Variants in NDC1 observed in about 807,000 individuals in gnomAD.
The protein encoded by NDC1 is nucleoporin NDC1.
Under a neutral mutation model 89.8 loss-of-function variants are expected in NDC1, and 24 were observed. That is an observed-to-expected ratio of 0.27 (90% confidence interval 0.19 to 0.38). The LOEUF is 0.38. Ranked by LOEUF, NDC1 falls within the 10% of genes least tolerant of loss-of-function variation. NDC1 has a pLI of 1.00. For missense variants in NDC1, 728 were observed against 797.6 expected, an observed-to-expected ratio of 0.91 and a Z score of 1.05; for synonymous variants, 296 against 284.8, an observed-to-expected ratio of 1.04 and a Z score of -0.39.
At position 53,808,165 on chromosome 1, in the gene NDC1, C is replaced by G. The variant is rs137902629; in HGVS notation, c.756-374G>C. 5.2e-4 allele frequency among the ~76,000 whole-genome samples: 79 copies of G among 152,280 alleles called. 1 individual carries two copies. The highest frequency in any genetic ancestry group is 1.8e-3 in the African/African-American group (74 of 41,562). ...AACATGACTAGTACTTCTCCTGGAC[C>G]AGATTTCAGCTTTATCCTTATGCCC... is the stretch of plus-strand genomic sequence containing the variant. On this transcript the variant is annotated intron_variant, in intron 7 of 17. Coordinates refer to ENST00000371429, the MANE Select transcript of NDC1 (RefSeq NM_018087.5).
intron 16 of NDC1, among the ~76,000 whole-genome samples, chr1:53,776,785 ACTTTTCATATAG>A (rs1647166923): frequency 6.6e-6 from 1 of 152,216 alleles, no homozygotes; most frequent in Non-Finnish European, 1.5e-5. Flanking sequence ...GTGTGTCTAG[ACTTTTCATATAG>A]CTTTTCATGA....
intron 5 of NDC1, among the ~76,000 whole-genome samples, chr1:53,821,214 A>G (rs1238246293): frequency 6.6e-6 from 1 of 152,036 alleles, no homozygotes; most frequent in South Asian, 2.1e-4. Flanking sequence ...TGGGCAGATC[A>G]CTTGAGGCCA....
intron 16 of NDC1, among the ~76,000 whole-genome samples, chr1:53,778,564 G>A (rs74084410): frequency 0.012 from 1,810 of 151,368 alleles, 40 homozygotes; most frequent in African/African-American, 0.041. Context: ...ACTAGCTTGG[G>A]CAACAAAGTG....
At chr1:53,789,086 T>C (rs1349997175) in intron 15 of NDC1, 47 bp downstream of exon 15, 8 of 1,222,178 alleles carry the variant, frequency 6.5e-6, no homozygotes, top group Non-Finnish European at 9.6e-6. Flanking sequence ...ACTTCAATAT[T>C]TAACTGACAA....
intron 11 of NDC1, among the ~76,000 whole-genome samples, chr1:53,799,613 G>T (rs1053337309): frequency 6.6e-6 from 1 of 152,040 alleles, no homozygotes; most frequent in Non-Finnish European, 1.5e-5. Context: ...TAGATTTCAG[G>T]CTTCTCTTTT....
At chr1:53,827,519 C>A (rs1323347389) in intron 4 of NDC1, among the ~76,000 whole-genome samples, 1 of 152,188 alleles carries the variant, frequency 6.6e-6, no homozygotes, top group Non-Finnish European at 1.5e-5. Flanking sequence ...AAGAACTATA[C>A]AAGTTTCAAA....
intron 10 of NDC1, among the ~76,000 whole-genome samples, chr1:53,803,573 A>AT (rs34936602): frequency 0.13 from 19,737 of 150,536 alleles, 2,673 homozygotes; most frequent in African/African-American, 0.35. Flanking sequence ...AAGTTAATTA[A>AT]TTTTTTTTTT....
At chr1:53,792,932 C>T (rs942200005) in intron 14 of NDC1, among the ~76,000 whole-genome samples, 11 of 152,356 alleles carry the variant, frequency 7.2e-5, no homozygotes, top group African/African-American at 2.6e-4. Context: ...CAAATGTGTT[C>T]ACTTTGTGAA....
At chr1:53,776,840 A>C (rs1377068760) in intron 16 of NDC1, among the ~76,000 whole-genome samples, 1 of 152,172 alleles carries the variant, frequency 6.6e-6, no homozygotes, top group East Asian at 1.9e-4. Context: ...TTTTATCATT[A>C]TTCTGTTTTC....
chr1:53,777,803 C>T (rs116161882), intron 16 of NDC1, among the ~76,000 whole-genome samples: 1,984 of 152,152 alleles, frequency 0.013, 50 homozygotes, highest in African/African-American at 0.045. Flanking sequence ...GAGCTTTGAC[C>T]TCCCAGGCTC....
chr1:53,818,287 A>C (rs1648545812), intron 6 of NDC1, among the ~76,000 whole-genome samples: 1 of 151,986 alleles, frequency 6.6e-6, no homozygotes, highest in Non-Finnish European at 1.5e-5. Context: ...AAATACAAAA[A>C]ATAGCCGGGT....
rs532080082 is a variant in NDC1, at chr1:53,793,727, G to A, written c.1585-448C>T. 5.3e-5 allele frequency among the ~76,000 whole-genome samples: 8 copies of A among 152,100 alleles called. No homozygotes were observed. The East Asian group carries it at 1.5e-3, about 29-fold the overall frequency. On this transcript the variant is annotated intron_variant, in intron 13 of 17. Coordinates refer to ENST00000371429, the MANE Select transcript of NDC1 (RefSeq NM_018087.5). ...CCACCTCAGCCTCCTGGGTAGCTGG[G>A]AATACAGGCACACCACCATGTCCGG...
At chr1:53,780,281 C>A (rs1304783499) in intron 16 of NDC1, among the ~76,000 whole-genome samples, 4 of 152,122 alleles carry the variant, frequency 2.6e-5, no homozygotes, top group African/African-American at 9.7e-5. Flanking sequence ...ACCATGTTGG[C>A]CAGGCTGGTC....
chr1:53,810,580 C>G (rs1648271120), intron 6 of NDC1, among the ~76,000 whole-genome samples: 1 of 152,124 alleles, frequency 6.6e-6, no homozygotes, highest in Non-Finnish European at 1.5e-5. Context: ...TCTAGAGGAA[C>G]AACCAGGCTG....
intron 14 of NDC1, among the ~76,000 whole-genome samples, chr1:53,792,557 C>G (rs550687320): frequency 7.9e-5 from 12 of 152,108 alleles, no homozygotes. Flanking sequence ...ATGGAGTGAG[C>G]GTGATATTAG....
At chr1:53,804,420 C>T (rs181647811) in intron 9 of NDC1, among the ~76,000 whole-genome samples, 2 of 152,304 alleles carry the variant, frequency 1.3e-5, no homozygotes, top group Non-Finnish European at 1.5e-5. Context: ...CACAAGAAAA[C>T]GGAAAATCTT....
chr1:53,835,284 A>G (rs1295268500), intron 2 of NDC1, among the ~76,000 whole-genome samples: 1 of 152,228 alleles, frequency 6.6e-6, no homozygotes, highest in Middle Eastern at 3.2e-3. Context: ...TTTCGTTCCT[A>G]TGATCACAGT....
At chr1:53,776,374 T>A (rs1002513440) in intron 16 of NDC1, among the ~76,000 whole-genome samples, 53 of 152,192 alleles carry the variant, frequency 3.5e-4, no homozygotes, top group Non-Finnish European at 1.5e-4. Flanking sequence ...GTGGCAGGTC[T>A]GAATTGAGAT....
intron 16 of NDC1, among the ~76,000 whole-genome samples, chr1:53,774,765 T>C (rs1647147969): frequency 6.6e-6 from 1 of 152,108 alleles, no homozygotes; most frequent in South Asian, 2.1e-4. Flanking sequence ...CCAATACCTG[T>C]AGTCACAACT....
Sources: allele counts gnomAD v4.1 joint callset (sites outside exome capture counted in the v4.1 genomes callset), GRCh38; gene constraint gnomAD v4.1.1; transcripts MANE v1.5; gene names NCBI Gene and HGNC (gene_info 2026-07-23, HGNC 2026-07-21).